Variants in GPC5 observed in about 807,000 individuals in gnomAD.
GPC5 encodes glypican-5.
GPC5 carries 47 observed loss-of-function variants against 53.9 expected under a neutral mutation model. That is an observed-to-expected ratio of 0.87 (90% CI 0.69 to 1.11). The LOEUF is 1.11. GPC5 is among the 50% of genes most tolerant of loss of function. The probability of loss-of-function intolerance (pLI) is 0.00; values close to 1 mark genes in which losing one functional copy is unlikely to be tolerated. For synonymous variants in GPC5, 286 were observed against 263.3 expected, an observed-to-expected ratio of 1.09 and a Z score of -0.84; for missense variants, 748 against 713.1, an observed-to-expected ratio of 1.05 and a Z score of -0.56.
intron 7 of GPC5, among the ~76,000 whole-genome samples, chr13:92,839,466 G>T (rs1878344478): frequency 6.6e-6 from 1 of 151,912 alleles, no homozygotes; most frequent in Admixed American, 6.6e-5. Flanking sequence ...CCTCCACCCT[G>T]CAACAGGCCC....
At chr13:92,249,819 G>C (rs1433344907) in intron 7 of GPC5, among the ~76,000 whole-genome samples, 1 of 152,044 alleles carries the variant, frequency 6.6e-6, no homozygotes, top group African/African-American at 2.4e-5. Flanking sequence ...CTAGGAACTA[G>C]AGAAATTAAT....
intron 7 of GPC5, among the ~76,000 whole-genome samples, chr13:92,284,260 CA>C (rs201034963): frequency 0.046 from 6,905 of 151,500 alleles, 174 homozygotes; most frequent in East Asian, 0.066. Flanking sequence ...GCCTACCAAC[CA>C]AAAAAAAGTC....
chr13:92,072,070 T>C (rs1485621883), intron 6 of GPC5, among the ~76,000 whole-genome samples: 1 of 146,062 alleles, frequency 6.8e-6, no homozygotes, highest in Non-Finnish European at 1.5e-5. Flanking sequence ...TATTTATATA[T>C]ATAAAAATAT....
intron 1 of GPC5, among the ~76,000 whole-genome samples, chr13:91,419,482 C>T (rs1272978344): frequency 1.3e-5 from 2 of 152,066 alleles, no homozygotes; most frequent in African/African-American, 2.4e-5. Flanking sequence ...AAGAATAATC[C>T]AGTCAACAAC....
rs190430959 is a variant in GPC5 at position 92,496,666 on chromosome 13, C to A, written c.1561+351677C>A. Reference sequence around the variant, plus strand: ...ACCAAATTCACAGAACTCAGTACCGCCAGCACAAAGCTTACTAAGCTTTAA... The same window carrying A: ...ACCAAATTCACAGAACTCAGTACCGACAGCACAAAGCTTACTAAGCTTTAA... On this transcript the variant is annotated intron_variant, in intron 7 of 7. Transcript: ENST00000377067. Among the ~76,000 whole-genome samples the A allele has an allele frequency of 8.6e-4, 131 of 152,220 alleles. 1 individual carries two copies. The highest frequency in any genetic ancestry group is 3.0e-3 in the African/African-American group (123 of 41,532).
chr13:92,450,810 C>A (rs1415912344), intron 7 of GPC5, among the ~76,000 whole-genome samples: 1 of 152,110 alleles, frequency 6.6e-6, no homozygotes. Flanking sequence ...GTCTCCAGGA[C>A]CAACCTGTAG....
intron 7 of GPC5, among the ~76,000 whole-genome samples, chr13:92,521,065 A>G (rs2138968677): frequency 6.6e-6 from 1 of 152,324 alleles, no homozygotes; most frequent in South Asian, 2.1e-4. Context: ...AATCCAACTT[A>G]CAAGGGATGT....
intron 7 of GPC5, among the ~76,000 whole-genome samples, chr13:92,300,514 G>C (rs1361133676): frequency 6.6e-6 from 1 of 152,126 alleles, no homozygotes; most frequent in Admixed American, 6.5e-5. Flanking sequence ...TAACACATGA[G>C]TCTGATCATT....
intron 7 of GPC5, among the ~76,000 whole-genome samples, chr13:92,625,850 G>T (rs527650420): frequency 2.6e-4 from 40 of 152,268 alleles, no homozygotes; most frequent in Middle Eastern, 6.8e-3. Flanking sequence ...GAGACTCAAA[G>T]GTGATGTCAC....
At chr13:92,627,071 A>G (rs914266769) in intron 7 of GPC5, among the ~76,000 whole-genome samples, 2 of 152,140 alleles carry the variant, frequency 1.3e-5, no homozygotes, top group Non-Finnish European at 2.9e-5. Context: ...CTTCCTCTCA[A>G]TCTCAGTTGG....
At chr13:91,552,955 A>C (rs564949400) in intron 2 of GPC5, among the ~76,000 whole-genome samples, 1 of 152,266 alleles carries the variant, frequency 6.6e-6, no homozygotes, top group African/African-American at 2.4e-5. Flanking sequence ...TACATCTTAA[A>C]GTTGAGGCAT....
chr13:92,334,847 G>C (rs1052839623), intron 7 of GPC5, among the ~76,000 whole-genome samples: 17 of 152,160 alleles, frequency 1.1e-4, no homozygotes, highest in Non-Finnish European at 2.9e-5. Context: ...AGGTCACACT[G>C]ATGCAAAAGG....
chr13:92,814,489 C>G (rs1179056687), intron 7 of GPC5, among the ~76,000 whole-genome samples: 1 of 151,352 alleles, frequency 6.6e-6, no homozygotes, highest in Non-Finnish European at 1.5e-5. Flanking sequence ...GGTGAAACCC[C>G]GTCTCTACTA....
intron 7 of GPC5, among the ~76,000 whole-genome samples, chr13:92,167,242 A>G (rs2042038122): frequency 6.6e-6 from 1 of 152,200 alleles, no homozygotes; most frequent in Admixed American, 6.5e-5. Context: ...TGTAGGCTAT[A>G]GCAAGTTATA....
chr13:91,998,582 A>G (rs9589392), intron 6 of GPC5, among the ~76,000 whole-genome samples: 12,538 of 152,200 alleles, frequency 0.082, 1,766 homozygotes, highest in African/African-American at 0.28. Flanking sequence ...ACCACCTGTT[A>G]TTATAGATCC....
At chr13:91,741,053 G>T (rs2036923229) in intron 4 of GPC5, among the ~76,000 whole-genome samples, 1 of 152,104 alleles carries the variant, frequency 6.6e-6, no homozygotes, top group African/African-American at 2.4e-5. Flanking sequence ...TGATTAAGGG[G>T]ATTGGCTGCA....
At chr13:91,459,226 A>AGAAG (rs1881769556) in intron 2 of GPC5, among the ~76,000 whole-genome samples, 1 of 152,100 alleles carries the variant, frequency 6.6e-6, no homozygotes, top group East Asian at 1.9e-4. Context: ...AAAAAAGAAA[A>AGAAG]GAAGGTTGGA....
At chr13:92,681,918 C>G (rs1887122515) in intron 7 of GPC5, among the ~76,000 whole-genome samples, 1 of 152,180 alleles carries the variant, frequency 6.6e-6, no homozygotes, top group South Asian at 2.1e-4. Context: ...ATTTTGTAGT[C>G]TCACAGTTCA....
chr13:91,709,159 C>G (rs986859930), intron 3 of GPC5, among the ~76,000 whole-genome samples: 2 of 152,172 alleles, frequency 1.3e-5, no homozygotes, highest in African/African-American at 2.4e-5. Flanking sequence ...GGGCATGCAG[C>G]TACACTGCTG....
Sources: gnomAD v4.1 joint callset for allele counts (sites outside exome capture counted in the v4.1 genomes callset) on GRCh38, gnomAD v4.1.1 for gene constraint, MANE v1.5 for transcripts, NCBI Gene and HGNC (gene_info 2026-07-23, HGNC 2026-07-21) for gene names.